The following PRRC1 variants were observed in gnomAD, a reference collection of about 807,000 sequenced individuals.
PRRC1 encodes protein PRRC1.
A neutral mutation model predicts 40.7 loss-of-function variants in PRRC1; 39 were observed. The ratio of observed to expected loss-of-function variants is 0.96; its 90% CI spans 0.74 to 1.25. The LOEUF (loss-of-function observed/expected upper bound fraction) is 1.25, where lower values mean the gene tolerates loss of function less well. Among genes scored for constraint, PRRC1 ranks in the 50% most tolerant of loss-of-function variants. The probability of loss-of-function intolerance (pLI) is 0.00; values close to 1 mark genes in which losing one functional copy is unlikely to be tolerated. For missense variants in PRRC1, 573 were observed against 548.3 expected (o/e 1.05, Z -0.45); for synonymous variants, 175 against 193.3 (o/e 0.91, Z 0.79).
intron 7 of PRRC1, among the ~76,000 whole-genome samples, chr5:127,541,722 C>A (rs1273637394): frequency 2.0e-5 from 3 of 151,342 alleles, no homozygotes; most frequent in East Asian, 1.9e-4. Flanking sequence ...GTGGTGATAT[C>A]CCCTTTATCA....
At chr5:127,524,129 C>T (rs1767537113) in intron 2 of PRRC1, 1 of 162,578 alleles carries the variant, frequency 6.2e-6, no homozygotes, top group South Asian at 1.7e-4. Context: ...CTGCCTCAGC[C>T]TCCCAAAGTC....
In PRRC1 at chr5:127,554,451, G is replaced by T. The variant is rs987960410; in HGVS notation, c.*2535G>T. 6.6e-6 allele frequency: 1 copy of T among 151,820 alleles called. No homozygotes were observed. The highest frequency in any genetic ancestry group is 2.4e-5 in the African/African-American group (1 of 41,304). The allele number at this position is 151,820 out of a possible 1,614,324, so 9.4% of individuals were successfully genotyped here. The stretch of plus-strand genomic sequence containing the variant: ...ACAAATTATTGAATTTTATAAGCTT[G>T]TACACAATATTTAATTAGTGTGAAA... On this transcript the variant is annotated 3_prime_UTR_variant, in exon 9 of 9. Transcript: ENST00000296666.
intron 4 of PRRC1, among the ~76,000 whole-genome samples, chr5:127,528,883 T>C (rs1767693348): frequency 6.6e-6 from 1 of 152,188 alleles, no homozygotes; most frequent in African/African-American, 2.4e-5. Flanking sequence ...AATTGTGTGT[T>C]AAAATCAGCT....
chr5:127,520,934 A>ACT (rs1048565244), intron 1 of PRRC1, among the ~76,000 whole-genome samples: 2 of 152,086 alleles, frequency 1.3e-5, no homozygotes, highest in Non-Finnish European at 2.9e-5. Context: ...GTACTCAAGA[A>ACT]CTCTGCTGTT....
intron 3 of PRRC1, 101 bp from the exon 4 acceptor site, chr5:127,526,517 A>G: frequency 3.7e-6 from 3 of 820,026 alleles, no homozygotes; most frequent in East Asian, 2.7e-5. Flanking sequence ...TCAGTCTTCA[A>G]ATGCCTGAAT....
At chr5:127,540,270 A>G (rs1408646088) in intron 7 of PRRC1, among the ~76,000 whole-genome samples, 1 of 152,120 alleles carries the variant, frequency 6.6e-6, no homozygotes, top group Non-Finnish European at 1.5e-5. Context: ...AATAATTAAC[A>G]TTAGAAATTA....
intron 4 of PRRC1, among the ~76,000 whole-genome samples, chr5:127,528,988 G>A (rs559073433): frequency 3.9e-5 from 6 of 152,246 alleles, no homozygotes; most frequent in South Asian, 4.1e-4. Context: ...TTGTACTAAC[G>A]TGTACTGAGG....
chr5:127,552,390 G>T lies in PRRC1; in HGVS notation c.*474G>T. On this transcript the variant is annotated 3_prime_UTR_variant, in exon 9 of 9. Coordinates refer to ENST00000296666, the MANE Select transcript of PRRC1 (RefSeq NM_130809.5). The stretch of plus-strand genomic sequence containing the variant: ...ACGATCTCAGGGCTGGTGCTGAGCA[G>T]CCTGCTCAACAGTCACTATAAGACA... 1 of 998,104 alleles carries T rather than the reference G, an allele frequency of 1.0e-6. No individual in the cohort carries two copies. The highest frequency in any genetic ancestry group is 1.2e-6 in the Non-Finnish European group (1 of 836,662). The allele number at this position is 998,104 out of a possible 1,614,324, so 61.8% of individuals were successfully genotyped here. A position where few individuals can be genotyped will look rare whatever the true frequency, so the allele number is the denominator to read the frequency against.
intron 7 of PRRC1, among the ~76,000 whole-genome samples, chr5:127,542,869 C>T (rs1314920238): frequency 3.3e-5 from 5 of 152,040 alleles, no homozygotes; most frequent in Non-Finnish European, 4.4e-5. Context: ...ATTTAGTCCA[C>T]TTACATTTAA....
chr5:127,523,588 T>C lies in PRRC1; in HGVS notation c.103+6T>C, dbSNP rs1767523451. On this transcript the variant is annotated splice_donor_region_variant and intron_variant, in intron 2 of 8. Transcript: ENST00000296666. ...TTCTACCCCTGTTCCATTAGGTACA[T>C]GTAGTTGTCTAACATCTCGTGTGTT... 6.4e-7 allele frequency: 1 copy of C among 1,553,738 alleles called. No homozygotes were observed. The highest frequency in any genetic ancestry group is 1.2e-5 in the South Asian group (1 of 85,202).
Position 127,554,883 on chromosome 5 carries a change from C to G in PRRC1, c.*2967C>G, listed in dbSNP as rs1007492062. 1.7e-4 allele frequency: 26 copies of G among 152,516 alleles called. No individual in the cohort carries two copies. The highest frequency in any genetic ancestry group is 1.6e-3 in the Admixed American group (24 of 15,264). The allele number at this position is 152,516 out of a possible 1,614,324, so 9.4% of individuals were successfully genotyped here. A position where few individuals can be genotyped will look rare whatever the true frequency, so the allele number is the denominator to read the frequency against. ...TTCCTTGGCTAGAAAAAATTATAAA[C>G]AGGACTTTGTAGTTTGGGAAGCCAA... On this transcript the variant is annotated 3_prime_UTR_variant, in exon 9 of 9. Coordinates refer to ENST00000296666, the MANE Select transcript of PRRC1 (RefSeq NM_130809.5).
intron 6 of PRRC1, among the ~76,000 whole-genome samples, chr5:127,535,751 G>A (rs1025995708): frequency 1.3e-5 from 2 of 152,124 alleles, no homozygotes; most frequent in African/African-American, 4.8e-5. Context: ...CATTTGATGT[G>A]TGTAAAGCAT....
chr5:127,553,040 T>A lies in PRRC1; in HGVS notation c.*1124T>A. 2 of 735,744 alleles carry A rather than the reference T, an allele frequency of 2.7e-6. No homozygotes were observed. The highest frequency in any genetic ancestry group is 3.3e-6 in the Non-Finnish European group (2 of 603,256). The allele number at this position is 735,744 out of a possible 1,614,324, so 45.6% of individuals were successfully genotyped here. A position where few individuals can be genotyped will look rare whatever the true frequency, so the allele number is the denominator to read the frequency against. ...CTTATATAAATGATAATTAAATAAA[T>A]TTTTTTCTTAATACTGTTGGACTTT... is the stretch of plus-strand genomic sequence containing the variant. On this transcript the variant is annotated 3_prime_UTR_variant, in exon 9 of 9. Transcript: ENST00000296666.
chr5:127,547,869 A>G lies in PRRC1; in HGVS notation c.1076A>G (p.His359Arg). 1.2e-6 allele frequency: 2 copies of G among 1,613,762 alleles called. No individual in the cohort carries two copies. The highest frequency in any genetic ancestry group is 1.7e-6 in the Non-Finnish European group (2 of 1,179,764). ...GTTGAAGATCCTGTCCATGGCATTC[A>G]TCTAGAAACATTTACACAAGCCACA... is the stretch of plus-strand genomic sequence containing the variant. ...LVVEDPVHGIHLETFTQATPV... is the reference protein window; with the variant it reads ...LVVEDPVHGIRLETFTQATPV... Residue 359 changes from histidine (H) to arginine (R), a missense_variant, in exon 8 of 9, where the codon CAT becomes CGT. By Grantham distance (29) the His-to-Arg change is conservative (BLOSUM62 0). Coordinates refer to ENST00000296666, the MANE Select transcript of PRRC1 (RefSeq NM_130809.5).
Position 127,524,538 on chromosome 5 carries a change from C to A in PRRC1, c.111C>A (p.Thr37=). 6.3e-7 allele frequency: 1 copy of A among 1,593,602 alleles called. No individual in the cohort carries two copies. Among genetic ancestry groups the A allele is most frequent in the Non-Finnish European group, 8.6e-7 (1 of 1,167,870 alleles). Residue 37 remains threonine (T), a synonymous_variant, in exon 3 of 9, where the codon ACC becomes ACA. Transcript: ENST00000296666. ...CTCTCCACTTTTTTCTAGCGGCAAC[C>A]AGTTCTTTTTCTTCTCCAAATGTAT... ...MSSTPVPLAA[T]SSFSSPNVSS...
rs377620168 is a variant in PRRC1 at position 127,521,425 on chromosome 5, G to A, written c.-20-2035G>A. Among the ~76,000 whole-genome samples the A allele has an allele frequency of 1.6e-3, 245 of 152,322 alleles. 8 individuals carry two copies. In the South Asian group the frequency reaches 0.049, roughly 30 times the overall value. On this transcript the variant is annotated intron_variant, in intron 1 of 8. Transcript: ENST00000296666. ...GCCAGTTGGAATTAGCTTAGACTGCGTGGTCCAACCCTAGCCAATGGGGGA... is the reference window on the plus strand; with the variant it reads ...GCCAGTTGGAATTAGCTTAGACTGCATGGTCCAACCCTAGCCAATGGGGGA...
rs1036081313 is a variant in PRRC1 at position 127,527,323 on chromosome 5, A to AT, written c.654+552dup. The stretch of plus-strand genomic sequence containing the variant: ...ATATGCAATACCTCACATATTTACC[A>AT]TTTTTTTGTGGTGAGAAAACTTAAA... On this transcript the variant is annotated intron_variant, in intron 4 of 8. Coordinates refer to ENST00000296666, the MANE Select transcript of PRRC1 (RefSeq NM_130809.5). Among the ~76,000 whole-genome samples the AT allele has an allele frequency of 3.3e-5, 5 of 152,284 alleles. No homozygotes were observed. The East Asian group carries it at 9.6e-4, about 29-fold the overall frequency.
intron 7 of PRRC1, among the ~76,000 whole-genome samples, chr5:127,547,088 C>T (rs1768247438): frequency 6.6e-6 from 1 of 152,002 alleles, no homozygotes. Flanking sequence ...AGGCATTAAA[C>T]ATTTTCCTGC....
chr5:127,523,699 G>T, intron 2 of PRRC1, 117 bp downstream of exon 2: 1 of 507,370 alleles, frequency 2.0e-6, no homozygotes, highest in Non-Finnish European at 3.3e-6. Context: ...TTATTTTTCA[G>T]GATGAAAGGA....
Sources: gnomAD v4.1 joint callset for allele counts (sites outside exome capture counted in the v4.1 genomes callset) on GRCh38, gnomAD v4.1.1 for gene constraint, MANE v1.5 for transcripts, NCBI Gene and HGNC (gene_info 2026-07-23, HGNC 2026-07-21) for gene names.